The following CBX2 variants were observed in gnomAD, a reference collection of about 807,000 sequenced individuals.
CBX2 encodes chromobox 2, also known as chromobox protein homolog 2.
Under a neutral mutation model 21.0 loss-of-function variants are expected in CBX2, and 11 were observed. That is an observed-to-expected ratio of 0.52 (90% CI 0.33 to 0.87). CBX2 has a LOEUF of 0.87. CBX2 is among the 40% of genes least tolerant of loss of function. CBX2 has a pLI of 0.02. For synonymous variants in CBX2, 364 were observed against 304.6 expected (o/e 1.19, Z -2.03); for missense variants, 746 against 724.3 (o/e 1.03, Z -0.34).
At position 79,778,203 on chromosome 17, in the gene CBX2, CG is replaced by C; in HGVS notation, c.-30del. On this transcript the variant is annotated 5_prime_UTR_variant, in exon 1 of 5. Coordinates refer to ENST00000310942, the MANE Select transcript of CBX2 (RefSeq NM_005189.3). The surrounding 1 kb of genome is among the most constrained non-coding windows in gnomAD (Gnocchi z 4.8). ...GGCGGTCCGGGCGGGTGACTGGCGG[CG>C]GGCGCCGCGGTCGGGCTGGCTGCCG... 7.8e-7 allele frequency: 1 copy of C among 1,276,746 alleles called. No homozygotes were observed. The allele number at this position is 1,276,746 out of a possible 1,614,324, so 79.1% of individuals were successfully genotyped here.
chr17:79,784,881 G>A lies in CBX2; in HGVS notation c.1438G>A (p.Gly480Arg), dbSNP rs375416659. ...CGACTCCGCCTCGCCGCCCAGCACT[G>A]GACAGAACCCGTCAGTGTCCGTTCA... is the stretch of plus-strand genomic sequence containing the variant. ...DPDSASPPST[G>R]QNPSVSVQTS... is the part of the protein sequence containing the mutation. The change falls in exon 5 of 5, where the codon GGA becomes AGA. Residue 480 changes from glycine to arginine, a missense_variant. Physicochemically the swap from Gly to Arg is moderately radical, Grantham distance 125 (BLOSUM62 -2). Coordinates refer to ENST00000310942, the MANE Select transcript of CBX2 (RefSeq NM_005189.3). This position sits in a 1 kb window ranked among gnomAD's most constrained non-coding sequence, Gnocchi z 5.9. 6 of 1,613,340 alleles carry A rather than the reference G, an allele frequency of 3.7e-6. No individual in the cohort carries two copies. The highest frequency in any genetic ancestry group is 1.3e-5 in the African/African-American group (1 of 74,926).
intron 4 of CBX2, chr17:79,782,475 A>G (rs1598224149): frequency 8.2e-7 from 1 of 1,224,734 alleles, no homozygotes; most frequent in Non-Finnish European, 1.0e-6. Context: ...ATGGGGGAGG[A>G]GGGCCTGGCC....
rs781942759 is a variant in CBX2, at chr17:79,784,895, A to G, written c.1452A>G (p.Ser484=). 1.9e-6 allele frequency: 3 copies of G among 1,613,374 alleles called. No individual in the cohort carries two copies. The highest frequency in any genetic ancestry group is 2.7e-5 in the African/African-American group (2 of 74,926). Residue 484 remains serine, a synonymous_variant, in exon 5 of 5, where the codon TCA becomes TCG. Transcript: ENST00000310942. The surrounding 1 kb of genome is among the most constrained non-coding windows in gnomAD (Gnocchi z 5.9). ...ASPPSTGQNP[S]VSVQTSQDWK... is the part of the protein sequence containing the mutation. ...CGCCCAGCACTGGACAGAACCCGTCAGTGTCCGTTCAGACCAGCCAGGACT... is the reference window on the plus strand; with the variant it reads ...CGCCCAGCACTGGACAGAACCCGTCGGTGTCCGTTCAGACCAGCCAGGACT...
Position 79,784,946 on chromosome 17 carries a change from G to T in CBX2, c.1503G>T (p.Glu501Asp), listed in dbSNP as rs782235092. 5.0e-6 allele frequency: 8 copies of T among 1,612,026 alleles called. No individual in the cohort carries two copies. The highest frequency in any genetic ancestry group is 5.9e-6 in the Non-Finnish European group (7 of 1,180,020). Residue 501 changes from glutamate to aspartate, a missense_variant, in exon 5 of 5, where the codon GAG becomes GAT. Coordinates refer to ENST00000310942, the MANE Select transcript of CBX2 (RefSeq NM_005189.3). This position sits in a 1 kb window ranked among gnomAD's most constrained non-coding sequence, Gnocchi z 5.9. ...GGAAGCCCACCCGCAGCCTCATCGA[G>T]CACGTATTTGTCACCGACGTCACTG... Reference protein sequence around the residue: ...QDWKPTRSLIEHVFVTDVTAN... With the variant: ...QDWKPTRSLIDHVFVTDVTAN...
rs996371088 is a variant in CBX2, at chr17:79,785,398, C to T, written c.*356C>T. The T allele has an allele frequency of 8.5e-6, 3 of 350,912 alleles. No individual in the cohort carries two copies. The highest frequency in any genetic ancestry group is 1.6e-5 in the Non-Finnish European group (3 of 184,274). 21.7% of individuals were successfully genotyped at this position (350,912 alleles called of 1,614,324 possible). A position where few individuals can be genotyped will look rare whatever the true frequency, so the allele number is the denominator to read the frequency against. The stretch of plus-strand genomic sequence containing the variant: ...TGTTGCTGAGTTTGAACTGCTCCTC[C>T]CTGGCCTGCGTGACTGAATCACAGC... On this transcript the variant is annotated 3_prime_UTR_variant, in exon 5 of 5. Transcript: ENST00000310942.
Position 79,778,216 on chromosome 17 carries a change from C to G in CBX2, c.-20C>G, listed in dbSNP as rs781949731. Reference sequence around the variant, plus strand: ...GGTGACTGGCGGCGGGCGCCGCGGTCGGGCTGGCTGCCGGGCAGCATGGAG... The same window carrying G: ...GGTGACTGGCGGCGGGCGCCGCGGTGGGGCTGGCTGCCGGGCAGCATGGAG... On this transcript the variant is annotated 5_prime_UTR_variant, in exon 1 of 5. Coordinates refer to ENST00000310942, the MANE Select transcript of CBX2 (RefSeq NM_005189.3). The surrounding 1 kb of genome is among the most constrained non-coding windows in gnomAD (Gnocchi z 4.8). The G allele has an allele frequency of 1.5e-6, 2 of 1,330,462 alleles. No individual in the cohort carries two copies. Among genetic ancestry groups the G allele is most frequent in the Admixed American group, 3.2e-5 (1 of 31,400 alleles). The allele number at this position is 1,330,462 out of a possible 1,614,324, so 82.4% of individuals were successfully genotyped here.
In CBX2 at chr17:79,786,038, A is replaced by C. The variant is rs782746520; in HGVS notation, c.*996A>C. ...GAGGTGCTCAGGTCCAGGGGAGTCC[A>C]GTGGGCAGGACCCTTGGCAGGCAAG... On this transcript the variant is annotated 3_prime_UTR_variant, in exon 5 of 5. Coordinates refer to ENST00000310942, the MANE Select transcript of CBX2 (RefSeq NM_005189.3). The C allele has an allele frequency of 1.3e-5, 2 of 152,442 alleles. No individual in the cohort carries two copies. Among genetic ancestry groups the C allele is most frequent in the Non-Finnish European group, 2.9e-5 (2 of 68,194 alleles). The allele number at this position is 152,442 out of a possible 1,614,324, so 9.4% of individuals were successfully genotyped here. A position where few individuals can be genotyped will look rare whatever the true frequency, so the allele number is the denominator to read the frequency against.
At position 79,778,433 on chromosome 17, in the gene CBX2, TC is replaced by T; in HGVS notation, c.116+11del. ...TGGCGCGGCTGGTCCTCCAAGTGAG[TC>T]CCCCGCGACGCCGCGCCCCCCTCCC... is the stretch of plus-strand genomic sequence containing the variant. On this transcript the variant is annotated splice_region_variant and intron_variant, in intron 2 of 4. Coordinates refer to ENST00000310942, the MANE Select transcript of CBX2 (RefSeq NM_005189.3). The surrounding 1 kb of genome is among the most constrained non-coding windows in gnomAD (Gnocchi z 4.8). 2 of 1,535,914 alleles carry T rather than the reference TC, an allele frequency of 1.3e-6. No homozygotes were observed. The highest frequency in any genetic ancestry group is 1.8e-5 in the Admixed American group (1 of 54,228).
chr17:79,783,570 C>T (rs561245549), intron 4 of CBX2, among the ~76,000 whole-genome samples, 162 bp from the exon 5 acceptor site: 43 of 151,670 alleles, frequency 2.8e-4, no homozygotes, highest in African/African-American at 5.4e-4. Context: ...CCACAACACC[C>T]GGCTAATTTT....
chr17:79,781,828 C>T (rs1250673426), intron 4 of CBX2, 27 bp downstream of exon 4: 3 of 1,613,858 alleles, frequency 1.9e-6, no homozygotes, highest in Non-Finnish European at 2.5e-6. Flanking sequence ...GGTATGCTGA[C>T]CCCACCTCCC....
Position 79,778,326 on chromosome 17 carries a change from G to GCC in CBX2, c.72+24_72+25dup. 1 of 1,562,464 alleles carries GCC rather than the reference G, an allele frequency of 6.4e-7. No homozygotes were observed. ...CCGCAAGGTGCGTGCGGCCCGCCGG[G>GCC]CCCCCCGCCCGCCGCCCGCTGTCCG... On this transcript the variant is annotated intron_variant, in intron 1 of 4. Coordinates refer to ENST00000310942, the MANE Select transcript of CBX2 (RefSeq NM_005189.3). This position sits in a 1 kb window ranked among gnomAD's most constrained non-coding sequence, Gnocchi z 4.8.
At chr17:79,781,318 C>T (rs1555830162) in intron 3 of CBX2, among the ~76,000 whole-genome samples, 1 of 152,156 alleles carries the variant, frequency 6.6e-6, no homozygotes, top group African/African-American at 2.4e-5. Flanking sequence ...GGGCTTCCTT[C>T]TCCTATTGAA....
rs887260925 is a variant in CBX2 at position 79,782,289 on chromosome 17, G to A, written c.288+488G>A. 9.8e-5 allele frequency: 151 copies of A among 1,532,996 alleles called. No homozygotes were observed. The African/African-American group carries it at 1.7e-3, about 17-fold the overall frequency. 95.0% of individuals were successfully genotyped at this position (1,532,996 alleles called of 1,614,324 possible). A position where few individuals can be genotyped will look rare whatever the true frequency, so the allele number is the denominator to read the frequency against. On this transcript the variant is annotated intron_variant, in intron 4 of 4. Coordinates refer to ENST00000310942, the MANE Select transcript of CBX2 (RefSeq NM_005189.3). ...TGAATAGCCAGGGGGTGCCAGGAGG[G>A]GCCTTGGAGGAGGGCAGAGGCAGTG...
In CBX2 at chr17:79,784,727, G is replaced by A; in HGVS notation, c.1284G>A (p.Arg428=). The change falls in exon 5 of 5, where the codon AGG becomes AGA. Residue 428 remains arginine, a synonymous_variant. Transcript: ENST00000310942. This position sits in a 1 kb window ranked among gnomAD's most constrained non-coding sequence, Gnocchi z 5.9. ...CGCCACCCACCCCTGCCAGCAAGAG[G>A]GACTGTGTCAAGGGCAGTGCTACCC... The part of the protein sequence containing the change: ...AVAPPTPASK[R]DCVKGSATPS... 6.2e-7 allele frequency: 1 copy of A among 1,611,608 alleles called. No homozygotes were observed. Among genetic ancestry groups the A allele is most frequent in the Non-Finnish European group, 8.5e-7 (1 of 1,179,446 alleles).
rs2145821052 is a variant in CBX2, at chr17:79,779,368, C to T, written c.123C>T (p.Asn41=). 1 of 1,613,802 alleles carries T rather than the reference C, an allele frequency of 6.2e-7. No homozygotes were observed. The highest frequency in any genetic ancestry group is 8.5e-7 in the Non-Finnish European group (1 of 1,179,950). The change falls in exon 3 of 5, where the codon AAC becomes AAT. Residue 41 remains asparagine, a synonymous_variant. Coordinates refer to ENST00000310942, the MANE Select transcript of CBX2 (RefSeq NM_005189.3). ...VKWRGWSSKH[N]SWEPEENILD... ...CCTGTCCTCTGCTTTGCAGACATAA[C>T]AGCTGGGAGCCGGAGGAGAACATCC...
rs1455928822 is a variant in CBX2 at position 79,785,358 on chromosome 17, T to G, written c.*316T>G. ...GTGACTGTCTTGAACAGAGCGGGCT[T>G]CTTCATGGCTGCGTTGTTGCTGAGT... On this transcript the variant is annotated 3_prime_UTR_variant, in exon 5 of 5. Coordinates refer to ENST00000310942, the MANE Select transcript of CBX2 (RefSeq NM_005189.3). 9.0e-6 allele frequency: 4 copies of G among 443,952 alleles called. No individual in the cohort carries two copies. Among genetic ancestry groups the G allele is most frequent in the African/African-American group, 2.0e-5 (1 of 50,734 alleles). The allele number at this position is 443,952 out of a possible 1,614,324, so 27.5% of individuals were successfully genotyped here.
At chr17:79,780,960 A>T (rs1907137920) in intron 3 of CBX2, among the ~76,000 whole-genome samples, 1 of 151,998 alleles carries the variant, frequency 6.6e-6, no homozygotes, top group African/African-American at 2.4e-5. Context: ...GTTTGCCCAG[A>T]TAATTACCAG....
In CBX2 at chr17:79,784,856, C is replaced by G. The variant is rs781856739; in HGVS notation, c.1413C>G (p.Pro471=). Residue 471 remains proline (P), a synonymous_variant, in exon 5 of 5, where the codon CCC becomes CCG. Coordinates refer to ENST00000310942, the MANE Select transcript of CBX2 (RefSeq NM_005189.3). This position sits in a 1 kb window ranked among gnomAD's most constrained non-coding sequence, Gnocchi z 5.9. ...AGAGTAGCAGCTCGGACTCCGACCCCGACTCCGCCTCGCCGCCCAGCACTG... is the reference window on the plus strand; with the variant it reads ...AGAGTAGCAGCTCGGACTCCGACCCGGACTCCGCCTCGCCGCCCAGCACTG... ...GEESSSSDSD[P]DSASPPSTGQ... is the part of the protein sequence containing the mutation. 1 of 1,613,042 alleles carries G rather than the reference C, an allele frequency of 6.2e-7. No homozygotes were observed. The highest frequency in any genetic ancestry group is 8.5e-7 in the Non-Finnish European group (1 of 1,179,932).
Position 79,787,105 on chromosome 17 carries a change from C to G in CBX2, c.*2063C>G, listed in dbSNP as rs1598230275. 1.3e-5 allele frequency: 2 copies of G among 152,480 alleles called. No individual in the cohort carries two copies. Among genetic ancestry groups the G allele is most frequent in the Non-Finnish European group, 1.5e-5 (1 of 68,074 alleles). The allele number at this position is 152,480 out of a possible 1,614,324, so 9.4% of individuals were successfully genotyped here. ...GGAGAGATTCCAGCTCACTGCGCAG[C>G]CTGGGAGGAGGCGTGGATCCTGGCA... On this transcript the variant is annotated 3_prime_UTR_variant, in exon 5 of 5. Transcript: ENST00000310942.
Sources: gnomAD v4.1 joint callset for allele counts (sites outside exome capture counted in the v4.1 genomes callset) on GRCh38, gnomAD v4.1.1 for gene constraint, Gnocchi (gnomAD v3.1) non-coding constraint, MANE v1.5 for transcripts, NCBI Gene and HGNC (gene_info 2026-07-23, HGNC 2026-07-21) for gene names.